KCNT2: variants seen among roughly 807,000 people sequenced by gnomAD.
KCNT2 encodes the protein potassium channel subfamily T member 2.
A neutral mutation model predicts 153.8 loss-of-function variants in KCNT2; 67 were observed. The ratio of observed to expected loss-of-function variants is 0.44; its 90% CI spans 0.36 to 0.53. The LOEUF (loss-of-function observed/expected upper bound fraction) is 0.53, where lower values mean the gene tolerates loss of function less well. Among genes scored for constraint, KCNT2 ranks in the 20% least tolerant of loss-of-function variants. The pLI is 0.00. For missense variants in KCNT2, 975 were observed against 1,354.8 expected (o/e 0.72, Z 4.40); for synonymous variants, 500 against 458.8 (o/e 1.09, Z -1.15).
intron 1 of KCNT2, among the ~76,000 whole-genome samples, chr1:196,564,553 CAAAAAG>C (rs1659846422): frequency 6.6e-6 from 1 of 151,224 alleles, no homozygotes; most frequent in Admixed American, 6.6e-5. Flanking sequence ...CAATCTTCAG[CAAAAAG>C]AAAAAAAGTC....
At chr1:196,538,496 G>C (rs1395332564) in intron 1 of KCNT2, among the ~76,000 whole-genome samples, 2 of 152,288 alleles carry the variant, frequency 1.3e-5, no homozygotes, top group South Asian at 4.1e-4. Flanking sequence ...GATGCAAGTC[G>C]TGGGTGTGAG....
chr1:196,532,368 T>C (rs1029079445), intron 1 of KCNT2, among the ~76,000 whole-genome samples: 1 of 152,008 alleles, frequency 6.6e-6, no homozygotes. Flanking sequence ...CTAACATCAA[T>C]AGAAGCATTC....
intron 1 of KCNT2, among the ~76,000 whole-genome samples, chr1:196,536,947 C>G (rs977303876): frequency 6.6e-6 from 1 of 152,210 alleles, no homozygotes; most frequent in Non-Finnish European, 1.5e-5. Flanking sequence ...CCTTCTATAT[C>G]AATGAATTCT....
At chr1:196,476,976 T>C (rs1180945226) in intron 5 of KCNT2, among the ~76,000 whole-genome samples, 2 of 152,202 alleles carry the variant, frequency 1.3e-5, no homozygotes, top group Admixed American at 1.3e-4. Flanking sequence ...TCAAGTTTCT[T>C]ATACTTGACA....
rs767214829 is a variant in KCNT2, at chr1:196,489,876, G to A, written c.237C>T (p.Ile79=). The part of the protein sequence containing the change: ...LKLLSCLLYI[I]RVLLENPSQG... The stretch of plus-strand genomic sequence containing the variant: ...GTGAAGGGTTTTCTAGTAGTACTCG[G>A]ATTATGTATAATAAGCAGCTTAGTA... Residue 79 remains isoleucine (I), a synonymous_variant, in exon 3 of 28, where the codon ATC becomes ATT. Transcript: ENST00000294725. The A allele has an allele frequency of 1.3e-5, 21 of 1,592,050 alleles. No individual in the cohort carries two copies. In the African/African-American group the frequency reaches 2.6e-4, roughly 20 times the overall value.
At chr1:196,387,971 C>T (rs1446280756) in intron 13 of KCNT2, among the ~76,000 whole-genome samples, 1 of 147,140 alleles carries the variant, frequency 6.8e-6, no homozygotes, top group Non-Finnish European at 1.5e-5. Context: ...TTTCGTGTGT[C>T]TCAGCTAAGA....
chr1:196,474,260 T>C (rs1269999790), intron 5 of KCNT2, among the ~76,000 whole-genome samples: 1 of 152,182 alleles, frequency 6.6e-6, no homozygotes, highest in Admixed American at 6.5e-5. Flanking sequence ...TTATAGCAGT[T>C]CATTTGTTGC....
At chr1:196,409,926 G>C (rs10922064) in intron 12 of KCNT2, among the ~76,000 whole-genome samples, 6 of 151,730 alleles carry the variant, frequency 4.0e-5, no homozygotes, top group Admixed American at 2.6e-4. Flanking sequence ...AGTGCACAAG[G>C]TTTTGAATTT....
chr1:196,546,441 C>A (rs1657116027), intron 1 of KCNT2, among the ~76,000 whole-genome samples: 1 of 152,012 alleles, frequency 6.6e-6, no homozygotes, highest in Non-Finnish European at 1.5e-5. Context: ...TAGCAGCCAG[C>A]AATTTGACAT....
At chr1:196,375,038 T>A (rs1320087054) in intron 13 of KCNT2, among the ~76,000 whole-genome samples, 1 of 151,764 alleles carries the variant, frequency 6.6e-6, no homozygotes. Context: ...GATGGATGTG[T>A]TATACTTTGA....
intron 22 of KCNT2, among the ~76,000 whole-genome samples, chr1:196,291,431 C>T (rs1273290416): frequency 2.6e-5 from 4 of 151,904 alleles, no homozygotes; most frequent in Admixed American, 6.6e-5. Context: ...CTGATTCCAT[C>T]CTGATAAAAA....
At chr1:196,391,030 C>T (rs1335906279) in intron 13 of KCNT2, among the ~76,000 whole-genome samples, 24 of 150,572 alleles carry the variant, frequency 1.6e-4, no homozygotes, top group Non-Finnish European at 1.5e-5. Context: ...CTAAATTCAT[C>T]AAGCAATATA....
chr1:196,398,155 T>C (rs1050127877), intron 13 of KCNT2, among the ~76,000 whole-genome samples: 3 of 151,486 alleles, frequency 2.0e-5, no homozygotes, highest in African/African-American at 7.3e-5. Context: ...TATTAGTCTA[T>C]TGCATGGTAA....
At chr1:196,396,240 A>G (rs1325237495) in intron 13 of KCNT2, among the ~76,000 whole-genome samples, 1 of 151,672 alleles carries the variant, frequency 6.6e-6, no homozygotes, top group Admixed American at 6.6e-5. Context: ...AAACAGCAAA[A>G]GCAGAACCAG....
At chr1:196,311,470 T>C (rs910109311) in intron 21 of KCNT2, among the ~76,000 whole-genome samples, 2 of 151,864 alleles carry the variant, frequency 1.3e-5, no homozygotes, top group African/African-American at 4.8e-5. Context: ...ATGTTTCCAT[T>C]GACATTGCTC....
intron 1 of KCNT2, among the ~76,000 whole-genome samples, chr1:196,568,206 A>G (rs1439690196): frequency 6.6e-6 from 1 of 152,032 alleles, no homozygotes; most frequent in Non-Finnish European, 1.5e-5. Flanking sequence ...AAACTGTTCC[A>G]CCCCAGATCA....
chr1:196,251,792 G>A (rs1655996088), intron 26 of KCNT2, among the ~76,000 whole-genome samples: 1 of 151,872 alleles, frequency 6.6e-6, no homozygotes, highest in Non-Finnish European at 1.5e-5. Context: ...ATATGCTTGA[G>A]ATTATAGAAA....
intron 1 of KCNT2, among the ~76,000 whole-genome samples, chr1:196,534,033 T>C (rs1227875952): frequency 6.6e-6 from 1 of 152,032 alleles, no homozygotes; most frequent in Admixed American, 6.6e-5. Flanking sequence ...TAATGCATGA[T>C]ACCTGTCATC....
At chr1:196,320,109 A>G (rs1232948184) in intron 19 of KCNT2, among the ~76,000 whole-genome samples, 1 of 151,766 alleles carries the variant, frequency 6.6e-6, no homozygotes, top group Non-Finnish European at 1.5e-5. Flanking sequence ...ATTATAGTGA[A>G]AGTAATGCAT....
Sources: gnomAD v4.1 joint callset for allele counts (sites outside exome capture counted in the v4.1 genomes callset) on GRCh38, gnomAD v4.1.1 for gene constraint, MANE v1.5 for transcripts, NCBI Gene and HGNC (gene_info 2026-07-23, HGNC 2026-07-21) for gene names.